The following NFIB variants were observed in gnomAD, a reference collection of about 807,000 sequenced individuals.
The protein encoded by NFIB is nuclear factor 1 B-type.
Under a neutral mutation model 61.5 loss-of-function variants are expected in NFIB, and 11 were observed. That is an observed-to-expected ratio of 0.18 (90% CI 0.11 to 0.30). The LOEUF is 0.30. Ranked by LOEUF, NFIB falls within the 10% of genes least tolerant of loss-of-function variation. The pLI, the probability that NFIB is intolerant of heterozygous loss-of-function variation, is 1.00. For synonymous variants in NFIB, 260 were observed against 216.5 expected (o/e 1.20, Z -1.76); for missense variants, 471 against 608.9 (o/e 0.77, Z 2.38).
chr9:14,443,930 G>T, the NFIB span, among the ~76,000 whole-genome samples: 84 of 152,218 alleles, frequency 5.5e-4, no homozygotes, highest in African/African-American at 2.0e-3. Flanking sequence ...ACTGTCCATT[G>T]TCCACAAAGT....
intron 2 of NFIB, among the ~76,000 whole-genome samples, chr9:14,184,714 T>C (rs374571120): frequency 6.6e-6 from 1 of 152,198 alleles, no homozygotes; most frequent in Non-Finnish European, 1.5e-5. Context: ...AGGTCATTAA[T>C]GTAAACATCA....
intron 2 of NFIB, among the ~76,000 whole-genome samples, chr9:14,216,134 T>C (rs932380092): frequency 1.3e-5 from 2 of 152,230 alleles, no homozygotes; most frequent in Non-Finnish European, 2.9e-5. Flanking sequence ...TAACAAAAGA[T>C]AGGTTGGCAA....
chr9:14,101,452 G>T (rs1449908734), intron 10 of NFIB, among the ~76,000 whole-genome samples: 2 of 152,044 alleles, frequency 1.3e-5, no homozygotes, highest in South Asian at 4.1e-4. Flanking sequence ...AACCAATATG[G>T]AGATAGGCAG....
the NFIB span, among the ~76,000 whole-genome samples, chr9:14,524,150 A>G: frequency 6.6e-6 from 1 of 152,186 alleles, no homozygotes; most frequent in Admixed American, 6.5e-5. Context: ...GTTTAGGGCT[A>G]GTAAATAAGA....
intron 1 of NFIB, among the ~76,000 whole-genome samples, chr9:14,388,798 G>A (rs77646917): frequency 0.015 from 2,331 of 152,258 alleles, 70 homozygotes; most frequent in African/African-American, 0.054. Context: ...AAGTTTATGT[G>A]TTCAATCTAG....
At chr9:14,513,269 T>C in the NFIB span, among the ~76,000 whole-genome samples, 1 of 152,178 alleles carries the variant, frequency 6.6e-6, no homozygotes, top group Non-Finnish European at 1.5e-5. Context: ...TTGTTCTTAC[T>C]CTCCTAGATT....
chr9:14,344,625 A>G (rs1435746393), intron 1 of NFIB, among the ~76,000 whole-genome samples: 2 of 152,250 alleles, frequency 1.3e-5, no homozygotes, highest in East Asian at 3.9e-4. Context: ...TTTTAATAGA[A>G]GGATCCTATT....
At chr9:14,137,825 T>C (rs984723210) in intron 6 of NFIB, among the ~76,000 whole-genome samples, 2 of 152,184 alleles carry the variant, frequency 1.3e-5, no homozygotes, top group Non-Finnish European at 2.9e-5. Flanking sequence ...TATTTATTAC[T>C]ATCTTATTAA....
rs557447244 is a variant in NFIB, at chr9:14,366,058, C to A, written c.108+32466G>T. 5.0e-4 allele frequency among the ~76,000 whole-genome samples: 76 copies of A among 152,238 alleles called. 1 individual carries two copies. In the South Asian group the frequency reaches 0.015, roughly 31 times the overall value. On this transcript the variant is annotated intron_variant, in intron 1 of 8. Transcript: ENST00000380934. ...GCTGAAAACAGCATTTAATGAAACC[C>A]CTCCCTCCAGACGCTCCTGATCAAA...
chr9:14,416,291 T>G, the NFIB span, among the ~76,000 whole-genome samples: 5 of 152,330 alleles, frequency 3.3e-5, no homozygotes, highest in Middle Eastern at 3.4e-3. Flanking sequence ...CTTCTACTTA[T>G]TTTTAAAAAG....
chr9:14,298,316 CT>C (rs1417444892), intron 2 of NFIB, among the ~76,000 whole-genome samples: 2 of 152,156 alleles, frequency 1.3e-5, no homozygotes, highest in African/African-American at 4.8e-5. Context: ...AAATTTCCCA[CT>C]TTTACCTCAT....
At chr9:14,152,506 TC>T (rs1335708025) in intron 4 of NFIB, among the ~76,000 whole-genome samples, 1 of 152,092 alleles carries the variant, frequency 6.6e-6, no homozygotes, top group Non-Finnish European at 1.5e-5. Context: ...TGGCTTCCTA[TC>T]ACAGTAATGG....
At chr9:14,341,243 G>A (rs1307699980) in intron 1 of NFIB, among the ~76,000 whole-genome samples, 2 of 152,114 alleles carry the variant, frequency 1.3e-5, no homozygotes, top group African/African-American at 4.8e-5. Context: ...GTCAGAACTG[G>A]GGAATTTAGA....
intron 2 of NFIB, among the ~76,000 whole-genome samples, chr9:14,184,569 T>A (rs1417318255): frequency 6.6e-6 from 1 of 152,158 alleles, no homozygotes; most frequent in Non-Finnish European, 1.5e-5. Context: ...CTCTGTAAGA[T>A]GTGTGTTAAA....
At chr9:14,220,956 A>G in intron 2 of NFIB, among the ~76,000 whole-genome samples, 1 of 151,086 alleles carries the variant, frequency 6.6e-6, no homozygotes, top group East Asian at 1.9e-4. Context: ...ACTACGTTAT[A>G]TCCTACCTAC....
the NFIB span, among the ~76,000 whole-genome samples, chr9:14,428,654 T>A: frequency 6.6e-6 from 1 of 152,216 alleles, no homozygotes. Context: ...AATCACACTT[T>A]CTTTTGAAAT....
the NFIB span, among the ~76,000 whole-genome samples, chr9:14,511,284 C>T: frequency 2.0e-5 from 3 of 151,826 alleles, no homozygotes; most frequent in South Asian, 6.2e-4. Flanking sequence ...TTTATTGCTT[C>T]TTTAAATTTT....
intron 6 of NFIB, among the ~76,000 whole-genome samples, chr9:14,141,794 A>G (rs565523156): frequency 5.3e-5 from 8 of 151,576 alleles, no homozygotes; most frequent in African/African-American, 1.9e-4. Context: ...AAAGCTGTTC[A>G]AATTTCCATT....
Position 14,085,750 on chromosome 9 carries a change from AATCATATCCTATC to A in NFIB, c.*2546_*2558del, listed in dbSNP as rs1478797590. 1 of 219,414 alleles carries A rather than the reference AATCATATCCTATC, an allele frequency of 4.6e-6. No individual in the cohort carries two copies. Among genetic ancestry groups the A allele is most frequent in the South Asian group, 1.9e-4 (1 of 5,388 alleles). 13.6% of individuals were successfully genotyped at this position (219,414 alleles called of 1,614,324 possible). On this transcript the variant is annotated 3_prime_UTR_variant, in exon 11 of 11. Transcript: ENST00000380953. ...CATTTGAAGTAGTAAGTCACAGGTA[AATCATATCCTATC>A]ATTAATGAAATGAAATGGGGACGAA...
Sources: gnomAD v4.1 joint callset for allele counts (sites outside exome capture counted in the v4.1 genomes callset) on GRCh38, gnomAD v4.1.1 for gene constraint, MANE v1.5 for transcripts, NCBI Gene and HGNC (gene_info 2026-07-23, HGNC 2026-07-21) for gene names.